Variants in TBXAS1 observed in about 807,000 individuals in gnomAD.
TBXAS1 encodes thromboxane-A synthase.
A neutral mutation model predicts 60.7 loss-of-function variants in TBXAS1; 48 were observed. That is an observed-to-expected ratio of 0.79 (90% CI 0.63 to 1.01). The LOEUF (loss-of-function observed/expected upper bound fraction) is 1.01, where lower values mean the gene tolerates loss of function less well. Ranked by LOEUF, TBXAS1 falls within the 50% of genes least tolerant of loss-of-function variation. The pLI, the probability that TBXAS1 is intolerant of heterozygous loss-of-function variation, is 0.00. For missense variants in TBXAS1, 685 were observed against 686.3 expected (o/e 1.00, Z 0.02); for synonymous variants, 287 against 269.7 (o/e 1.06, Z -0.63).
intron 4 of TBXAS1, among the ~76,000 whole-genome samples, chr7:139,791,095 T>C (rs909728940): frequency 2.6e-5 from 4 of 152,178 alleles, no homozygotes; most frequent in African/African-American, 9.6e-5. Context: ...TGAACCACTG[T>C]GCCTGGGCTT....
At chr7:139,932,104 T>C (rs1413515620) in intron 4 of TBXAS1, among the ~76,000 whole-genome samples, 5 of 149,766 alleles carry the variant, frequency 3.3e-5, no homozygotes, top group Admixed American at 2.0e-4. Context: ...GAGGCGGAGC[T>C]TGCAGTGATC....
chr7:139,842,876 C>T (rs190876894), intron 1 of TBXAS1, among the ~76,000 whole-genome samples: 7 of 152,296 alleles, frequency 4.6e-5, no homozygotes, highest in Non-Finnish European at 7.4e-5. Flanking sequence ...AGAAAGAGGC[C>T]GGCCCCTTTT....
chr7:139,879,385 A>G (rs751128340), intron 3 of TBXAS1, among the ~76,000 whole-genome samples: 6 of 152,196 alleles, frequency 3.9e-5, no homozygotes, highest in African/African-American at 1.2e-4. Context: ...GTACGTGATA[A>G]AAAACTCTCC....
At chr7:139,994,184 G>C (rs1813133565) in intron 9 of TBXAS1, among the ~76,000 whole-genome samples, 1 of 152,196 alleles carries the variant, frequency 6.6e-6, no homozygotes, top group South Asian at 2.1e-4. Flanking sequence ...TGGGATTACA[G>C]GCACCTGCCA....
At chr7:139,978,097 A>G (rs1811690894) in intron 9 of TBXAS1, among the ~76,000 whole-genome samples, 1 of 152,060 alleles carries the variant, frequency 6.6e-6, no homozygotes, top group South Asian at 2.1e-4. Flanking sequence ...TGTGGGGTCT[A>G]TGTTGGCTGT....
At chr7:139,930,077 G>A (rs1184535547) in intron 4 of TBXAS1, among the ~76,000 whole-genome samples, 3 of 151,966 alleles carry the variant, frequency 2.0e-5, no homozygotes, top group Non-Finnish European at 2.9e-5. Context: ...CTCCAGCCGC[G>A]CCACATCCTT....
At chr7:139,904,948 C>T (rs1804858050) in intron 3 of TBXAS1, among the ~76,000 whole-genome samples, 2 of 151,948 alleles carry the variant, frequency 1.3e-5, no homozygotes, top group Non-Finnish European at 2.9e-5. Context: ...TTCTTCCTTC[C>T]TTCCTTCATT....
chr7:139,936,361 C>T, intron 5 of TBXAS1, 54 bp downstream of exon 5: 1 of 1,566,896 alleles, frequency 6.4e-7, no homozygotes, highest in Non-Finnish European at 8.8e-7. Context: ...TTTCTTCTCT[C>T]CAAATCGTGA....
intron 10 of TBXAS1, among the ~76,000 whole-genome samples, chr7:140,012,643 G>A (rs1216668897): frequency 6.6e-6 from 1 of 152,046 alleles, no homozygotes; most frequent in African/African-American, 2.4e-5. Context: ...ATTTTTAGTA[G>A]AGACGGGGTT....
chr7:139,843,534 G>T (rs978348170), intron 1 of TBXAS1, among the ~76,000 whole-genome samples: 1 of 152,072 alleles, frequency 6.6e-6, no homozygotes, highest in Non-Finnish European at 1.5e-5. Context: ...GTAGAGGTGG[G>T]GTTTCATCAT....
intron 9 of TBXAS1, 66 bp from the exon 10 acceptor site, chr7:140,007,025 A>C (rs1229193223): frequency 7.6e-6 from 11 of 1,453,162 alleles, no homozygotes; most frequent in Non-Finnish European, 9.7e-7. Context: ...AATTTAAGGA[A>C]AAGACAAAAT....
intron 3 of TBXAS1, among the ~76,000 whole-genome samples, chr7:139,904,997 CTCTTTCTCTCTT>C (rs1371937551): frequency 2.5e-3 from 229 of 93,084 alleles, no homozygotes; most frequent in African/African-American, 8.0e-3. Context: ...CTCTCTTTCT[CTCTTTCTCTCTT>C]TCTTTCTTTC....
At chr7:139,881,840 A>G (rs1209501848) in intron 3 of TBXAS1, among the ~76,000 whole-genome samples, 2 of 152,208 alleles carry the variant, frequency 1.3e-5, no homozygotes, top group Non-Finnish European at 2.9e-5. Flanking sequence ...TATGCCTCCA[A>G]GTTGGAGGTT....
intron 3 of TBXAS1, among the ~76,000 whole-genome samples, chr7:139,783,719 AGT>A (rs1797073715): frequency 1.3e-5 from 2 of 152,206 alleles, no homozygotes; most frequent in South Asian, 4.1e-4. Flanking sequence ...ATTTCTGTAC[AGT>A]GTGAAGTTTC....
rs55942889 is a variant in TBXAS1 at position 139,948,044 on chromosome 7, T to C, written c.451-5324T>C. ...CACACCTGGCTAATTTTTGTATTTTTAGTAGAGAGGGGGTTTCACCATGTT... is the reference window on the plus strand; with the variant it reads ...CACACCTGGCTAATTTTTGTATTTTCAGTAGAGAGGGGGTTTCACCATGTT... On this transcript the variant is annotated intron_variant, in intron 5 of 12. Coordinates refer to ENST00000448866, the MANE Select transcript of TBXAS1 (RefSeq NM_001061.7). 9.9e-3 allele frequency among the ~76,000 whole-genome samples: 1,505 copies of C among 152,200 alleles called. 12 individuals are homozygous for C. Among genetic ancestry groups the C allele is most frequent in the Non-Finnish European group, 0.014 (964 of 67,998 alleles).
chr7:139,994,323 G>A (rs376788240), intron 9 of TBXAS1, among the ~76,000 whole-genome samples: 7 of 152,228 alleles, frequency 4.6e-5, no homozygotes, highest in East Asian at 1.9e-4. Context: ...GATTACAGGC[G>A]TGAGCCATTG....
chr7:139,840,240 G>A (rs187812295), intron 1 of TBXAS1, among the ~76,000 whole-genome samples: 1 of 152,250 alleles, frequency 6.6e-6, no homozygotes, highest in Non-Finnish European at 1.5e-5. Flanking sequence ...CCATTGGGAT[G>A]GAATATGGGA....
intron 9 of TBXAS1, among the ~76,000 whole-genome samples, chr7:139,986,934 T>C (rs1812536850): frequency 6.6e-6 from 1 of 151,684 alleles, no homozygotes; most frequent in East Asian, 1.9e-4. Flanking sequence ...GCTCTCAAGG[T>C]GGAAATTTGA....
At chr7:139,981,747 C>A (rs1585000023) in intron 9 of TBXAS1, among the ~76,000 whole-genome samples, 1 of 152,164 alleles carries the variant, frequency 6.6e-6, no homozygotes, top group Non-Finnish European at 1.5e-5. Context: ...TCCAGACAGA[C>A]CATAAGTAAT....
Sources: gnomAD v4.1 joint callset for allele counts (sites outside exome capture counted in the v4.1 genomes callset) on GRCh38, gnomAD v4.1.1 for gene constraint, MANE v1.5 for transcripts, NCBI Gene and HGNC (gene_info 2026-07-23, HGNC 2026-07-21) for gene names.